The following CBR4 variants were observed in gnomAD, a reference collection of about 807,000 sequenced individuals.
The protein encoded by CBR4 is 3-oxoacyl-[acyl-carrier-protein] reductase.
CBR4 carries 22 observed loss-of-function variants against 21.0 expected under a neutral mutation model. That is an observed-to-expected ratio of 1.05 (90% CI 0.75 to 1.50). CBR4 has a LOEUF of 1.50. Among genes scored for constraint, CBR4 ranks in the 40% most tolerant of loss-of-function variants. The pLI is 0.00. For synonymous variants in CBR4, 100 were observed against 104.4 expected (o/e 0.96, Z 0.26); for missense variants, 302 against 286.3 (o/e 1.05, Z -0.40).
chr4:168,995,105 T>G (rs550941846), intron 4 of CBR4, among the ~76,000 whole-genome samples: 7 of 152,168 alleles, frequency 4.6e-5, no homozygotes, highest in Non-Finnish European at 1.0e-4. Context: ...ATTAAAAGTA[T>G]GCCTCATTAA....
At chr4:168,906,375 C>A (rs980140285) in intron 2 of CBR4, among the ~76,000 whole-genome samples, 1 of 152,112 alleles carries the variant, frequency 6.6e-6, no homozygotes, top group African/African-American at 2.4e-5. Flanking sequence ...TGGAAAAGTT[C>A]TCAGTGAGGA....
intron 4 of CBR4, chr4:169,001,239 C>CA (rs1157442972): frequency 1.3e-5 from 2 of 151,734 alleles, no homozygotes; most frequent in African/African-American, 4.8e-5. Context: ...ACTCCTGCCT[C>CA]AGCCTCCCAC....
In CBR4 at chr4:169,010,223, G is replaced by A. The variant is rs1008704533; in HGVS notation, c.-134C>T. ...AAGGCAAACCGCAAAAAAAAATAAC[G>A]CCGCTCGACACCTCCTGCAGCCGCA... On this transcript the variant is annotated 5_prime_UTR_variant, in exon 1 of 5. Transcript: ENST00000306193. 1.7e-5 allele frequency: 13 copies of A among 785,232 alleles called. No homozygotes were observed. The highest frequency in any genetic ancestry group is 3.3e-5 in the Admixed American group (1 of 30,262). The allele number at this position is 785,232 out of a possible 1,614,324, so 48.6% of individuals were successfully genotyped here.
chr4:168,952,165 CT>C (rs1763560420), intron 2 of CBR4, among the ~76,000 whole-genome samples: 1 of 152,172 alleles, frequency 6.6e-6, no homozygotes. Context: ...TAGACCTTGA[CT>C]TCCAACTCTG....
chr4:168,972,167 C>G (rs1386720486), intron 2 of CBR4, among the ~76,000 whole-genome samples: 1 of 152,090 alleles, frequency 6.6e-6, no homozygotes, highest in Non-Finnish European at 1.5e-5. Flanking sequence ...CAGTATCATG[C>G]TATTTGATAA....
intron 2 of CBR4, chr4:168,928,124 G>C (rs1582273848): frequency 5.2e-6 from 1 of 193,048 alleles, no homozygotes; most frequent in East Asian, 8.2e-5. Flanking sequence ...ATGCAGTGTG[G>C]TTCAAGTTTC....
chr4:168,909,600 C>A (rs1758487014), intron 2 of CBR4, among the ~76,000 whole-genome samples: 1 of 152,084 alleles, frequency 6.6e-6, no homozygotes, highest in Non-Finnish European at 1.5e-5. Context: ...AAGCTTCACT[C>A]TAAACATTCC....
chr4:168,926,124 A>G (rs1762543408), intron 2 of CBR4: 7 of 1,119,254 alleles, frequency 6.3e-6, no homozygotes, highest in Non-Finnish European at 8.6e-6. Context: ...CCTTGCATCT[A>G]TCTAGACATT....
At chr4:168,917,132 T>C (rs1350410657) in intron 2 of CBR4, among the ~76,000 whole-genome samples, 1 of 150,948 alleles carries the variant, frequency 6.6e-6, no homozygotes, top group Non-Finnish European at 1.5e-5. Flanking sequence ...CACTGCAGCT[T>C]CCACCTCCCA....
At chr4:168,908,286 G>A (rs1029810592) in intron 2 of CBR4, among the ~76,000 whole-genome samples, 1 of 152,020 alleles carries the variant, frequency 6.6e-6, no homozygotes, top group Admixed American at 6.6e-5. Flanking sequence ...GCAAAACAAA[G>A]TGGCATTTAA....
At chr4:168,982,270 TATTC>T (rs1764568056) in intron 2 of CBR4, among the ~76,000 whole-genome samples, 2 of 152,102 alleles carry the variant, frequency 1.3e-5, no homozygotes, top group Admixed American at 1.3e-4. Context: ...TTGCTATTCT[TATTC>T]CAGACAAAAC....
chr4:168,970,030 T>C (rs1400593217), intron 2 of CBR4, among the ~76,000 whole-genome samples: 1 of 152,248 alleles, frequency 6.6e-6, no homozygotes, highest in African/African-American at 2.4e-5. Context: ...ACATGCTGGC[T>C]ATGTGTTTCC....
intron 3 of CBR4, chr4:169,005,795 T>C (rs1730865513): frequency 1.1e-6 from 1 of 904,232 alleles, no homozygotes; most frequent in Non-Finnish European, 1.6e-6. Context: ...TAGCATAGTA[T>C]TCTTTCCTTT....
At chr4:169,002,316 C>A (rs1011788799) in intron 3 of CBR4, 111 bp from the exon 4 acceptor site, 1 of 1,105,224 alleles carries the variant, frequency 9.0e-7, no homozygotes, top group African/African-American at 1.6e-5. Context: ...CCCACTTCAC[C>A]TTGTCCTTTG....
chr4:168,978,314 G>A (rs1224373191), intron 2 of CBR4, among the ~76,000 whole-genome samples: 1 of 152,204 alleles, frequency 6.6e-6, no homozygotes, highest in East Asian at 1.9e-4. Flanking sequence ...ATATTTGGGG[G>A]AGGGGAGTGG....
chr4:168,921,516 A>C, intron 2 of CBR4: 1 of 1,535,686 alleles, frequency 6.5e-7, no homozygotes, highest in South Asian at 1.2e-5. Flanking sequence ...ATTTACATGT[A>C]TTTCTTTTAT....
At chr4:168,970,888 T>G (rs1764187745) in intron 2 of CBR4, among the ~76,000 whole-genome samples, 1 of 152,112 alleles carries the variant, frequency 6.6e-6, no homozygotes. Flanking sequence ...TGATGGGCAT[T>G]TAGGCTGGTT....
downstream of CBR4, among the ~76,000 whole-genome samples, chr4:168,983,544 C>T (rs1330853670): frequency 6.6e-6 from 1 of 152,082 alleles, no homozygotes; most frequent in African/African-American, 2.4e-5. Flanking sequence ...GGACTCCTTC[C>T]TAACTCATTC....
chr4:168,936,562 A>G (rs1763117652), intron 2 of CBR4, among the ~76,000 whole-genome samples: 1 of 152,184 alleles, frequency 6.6e-6, no homozygotes, highest in South Asian at 2.1e-4. Context: ...ATTGCTAACT[A>G]GAATAACCAG....
Sources: gnomAD v4.1 joint callset for allele counts (sites outside exome capture counted in the v4.1 genomes callset) on GRCh38, gnomAD v4.1.1 for gene constraint, MANE v1.5 for transcripts, NCBI Gene and HGNC (gene_info 2026-07-23, HGNC 2026-07-21) for gene names.